TMEM132D: variants seen among roughly 807,000 people sequenced by gnomAD.
The protein encoded by TMEM132D is transmembrane protein 132D, also known as mature OL transmembrane protein.
Under a neutral mutation model 62.3 loss-of-function variants are expected in TMEM132D, and 21 were observed. The observed-to-expected ratio is 0.34, with a 90% CI of 0.24 to 0.49. The LOEUF (loss-of-function observed/expected upper bound fraction) is 0.49, where lower values mean the gene tolerates loss of function less well. Among genes scored for constraint, TMEM132D ranks in the 20% least tolerant of loss-of-function variants. The pLI, the probability that TMEM132D is intolerant of heterozygous loss-of-function variation, is 0.99. For synonymous variants in TMEM132D, 621 were observed against 575.6 expected (o/e 1.08, Z -1.13); for missense variants, 1,346 against 1,402.8 (o/e 0.96, Z 0.65).
chr12:129,553,762 C>G (rs1470916218), intron 2 of TMEM132D, among the ~76,000 whole-genome samples: 1 of 152,208 alleles, frequency 6.6e-6, no homozygotes, highest in South Asian at 2.1e-4. Flanking sequence ...TTCCGCAGTC[C>G]TCTTCCATTT....
In TMEM132D at chr12:129,819,172, G is replaced by A. The variant is rs115371939; in HGVS notation, c.79+84089C>T. 6.8e-3 allele frequency among the ~76,000 whole-genome samples: 1,029 copies of A among 152,086 alleles called. 15 individuals carry two copies. Among genetic ancestry groups the A allele is most frequent in the African/African-American group, 0.023 (947 of 41,458 alleles). On this transcript the variant is annotated intron_variant, in intron 1 of 8. Transcript: ENST00000422113. ...TTCATGCTGCCCCACATGAGAACAC[G>A]CGCTTAGAGTGGAAATTCCATAAAG...
chr12:129,151,821 C>T (rs1260372392), intron 5 of TMEM132D, among the ~76,000 whole-genome samples: 1 of 152,076 alleles, frequency 6.6e-6, no homozygotes, highest in Non-Finnish European at 1.5e-5. Flanking sequence ...TTGTATATTA[C>T]CTGGACGAAT....
intron 1 of TMEM132D, among the ~76,000 whole-genome samples, chr12:129,832,660 A>C (rs1405677572): frequency 1.3e-5 from 2 of 152,134 alleles, no homozygotes; most frequent in Non-Finnish European, 2.9e-5. Flanking sequence ...TCTGCCCGGC[A>C]GGTGAAGGGC....
chr12:129,074,217 C>CTCA lies in TMEM132D; in HGVS notation c.2955_2957dup (p.Asp985dup), dbSNP rs774358126. On this transcript the variant is annotated inframe_insertion, in exon 9 of 9. Coordinates refer to ENST00000422113, the MANE Select transcript of TMEM132D (RefSeq NM_133448.3). ...TGCCCCTGTCAATGGCAGTGATTTG[C>CTCA]TCATCTTGCGAGGAGGCAAAGTTGA... The CTCA allele has an allele frequency of 5.0e-6, 8 of 1,613,990 alleles. No homozygotes were observed. The Admixed American group carries it at 1.3e-4, about 27-fold the overall frequency.
intron 1 of TMEM132D, among the ~76,000 whole-genome samples, chr12:129,729,674 G>T (rs146947000): frequency 2.6e-5 from 4 of 152,236 alleles, no homozygotes; most frequent in African/African-American, 9.6e-5. Flanking sequence ...GGCATAAAGT[G>T]TTTGTTTCTT....
At chr12:129,820,815 G>A (rs1029212761) in intron 1 of TMEM132D, among the ~76,000 whole-genome samples, 7 of 152,240 alleles carry the variant, frequency 4.6e-5, no homozygotes, top group Admixed American at 1.3e-4. Flanking sequence ...CCTCAAACTC[G>A]TGGGCTCAAG....
chr12:129,613,464 A>T (rs1878831728), intron 2 of TMEM132D, among the ~76,000 whole-genome samples: 1 of 152,118 alleles, frequency 6.6e-6, no homozygotes, highest in South Asian at 2.1e-4. Context: ...GGAAGATAAG[A>T]CTGGAGAAGG....
intron 1 of TMEM132D, among the ~76,000 whole-genome samples, chr12:129,888,719 C>A (rs575615191): frequency 1.3e-5 from 2 of 152,098 alleles, no homozygotes; most frequent in African/African-American, 4.8e-5. Context: ...AAAATTCTAA[C>A]AGCCCTAAGG....
chr12:129,659,864 G>C (rs1040562638), intron 2 of TMEM132D, among the ~76,000 whole-genome samples: 1 of 152,200 alleles, frequency 6.6e-6, no homozygotes, highest in Admixed American at 6.5e-5. Flanking sequence ...AAACAAAATT[G>C]TTCCTATCCC....
At chr12:129,758,002 A>C (rs1430798615) in intron 1 of TMEM132D, among the ~76,000 whole-genome samples, 1 of 152,160 alleles carries the variant, frequency 6.6e-6, no homozygotes, top group South Asian at 2.1e-4. Flanking sequence ...TCCTGGGTTC[A>C]AGTGATTCTT....
chr12:129,075,076 G>T lies in TMEM132D; in HGVS notation c.2116-17C>A. 1 of 1,587,656 alleles carries T rather than the reference G, an allele frequency of 6.3e-7. No individual in the cohort carries two copies. Among genetic ancestry groups the T allele is most frequent in the Non-Finnish European group, 8.5e-7 (1 of 1,171,130 alleles). Reference sequence around the variant, plus strand: ...GGCTGCTTCCTATGGAGAAAAATATGTAAGTTAATCAAATGGGCCAAAAAG... The same window carrying T: ...GGCTGCTTCCTATGGAGAAAAATATTTAAGTTAATCAAATGGGCCAAAAAG... On this transcript the variant is annotated splice_polypyrimidine_tract_variant and intron_variant, in intron 8 of 8. Transcript: ENST00000422113.
rs137860414 is a variant in TMEM132D at position 129,436,892 on chromosome 12, C to T, written c.1115+94167G>A. On this transcript the variant is annotated intron_variant, in intron 3 of 8. Transcript: ENST00000422113. ...AAAGCAAGAATGAGATTTAAAAAGT[C>T]TTCATTTTTCCTATAATTTGATACA... Among the ~76,000 whole-genome samples the T allele has an allele frequency of 1.6e-3, 240 of 152,156 alleles. 1 individual carries two copies. The highest frequency in any genetic ancestry group is 6.8e-3 in the South Asian group (33 of 4,824).
intron 3 of TMEM132D, among the ~76,000 whole-genome samples, chr12:129,341,941 G>A (rs1869502688): frequency 6.6e-6 from 1 of 152,124 alleles, no homozygotes; most frequent in South Asian, 2.1e-4. Flanking sequence ...CAAACAAATG[G>A]AAGAACATTC....
intron 1 of TMEM132D, among the ~76,000 whole-genome samples, chr12:129,829,466 G>A (rs1232632328): frequency 2.0e-5 from 3 of 152,058 alleles, no homozygotes; most frequent in African/African-American, 7.2e-5. Context: ...GGAGAAGTTG[G>A]CACCCAATGC....
At chr12:129,327,369 C>G (rs1397240656) in intron 4 of TMEM132D, among the ~76,000 whole-genome samples, 1 of 152,154 alleles carries the variant, frequency 6.6e-6, no homozygotes, top group Non-Finnish European at 1.5e-5. Context: ...TCCCCCCAGC[C>G]AAACTTTTAG....
chr12:129,312,891 G>C (rs751112575), intron 4 of TMEM132D, among the ~76,000 whole-genome samples: 2 of 152,214 alleles, frequency 1.3e-5, no homozygotes, highest in African/African-American at 4.8e-5. Flanking sequence ...ATTTGCATGA[G>C]CAATAGTCAG....
At chr12:129,289,062 A>G (rs1881375473) in intron 4 of TMEM132D, among the ~76,000 whole-genome samples, 1 of 152,152 alleles carries the variant, frequency 6.6e-6, no homozygotes, top group Non-Finnish European at 1.5e-5. Context: ...TCAAACTCAT[A>G]GAAGCAGACA....
chr12:129,687,932 G>T (rs1239370091), intron 2 of TMEM132D, among the ~76,000 whole-genome samples: 4 of 152,138 alleles, frequency 2.6e-5, no homozygotes, highest in Non-Finnish European at 4.4e-5. Flanking sequence ...TCAGGAAAAT[G>T]GTAGGCACTC....
intron 3 of TMEM132D, among the ~76,000 whole-genome samples, chr12:129,485,146 G>A (rs1010052118): frequency 3.9e-5 from 6 of 152,210 alleles, no homozygotes; most frequent in Non-Finnish European, 7.3e-5. Flanking sequence ...ACACATATAC[G>A]TGGTACATTA....
Sources: allele counts gnomAD v4.1 joint callset (sites outside exome capture counted in the v4.1 genomes callset), GRCh38; gene constraint gnomAD v4.1.1; transcripts MANE v1.5; gene names NCBI Gene and HGNC (gene_info 2026-07-23, HGNC 2026-07-21).